HEXD: variants seen among roughly 807,000 people sequenced by gnomAD.
The protein encoded by HEXD is N-acetyl-beta-galactosaminidase.
In HEXD, 47 loss-of-function variants were observed where a neutral mutation model predicts 54.2. That is an observed-to-expected ratio of 0.87 (90% confidence interval 0.69 to 1.11). The LOEUF (loss-of-function observed/expected upper bound fraction) is 1.11, where lower values mean the gene tolerates loss of function less well. Ranked by LOEUF, HEXD falls within the 50% of genes least tolerant of loss-of-function variation. The probability of loss-of-function intolerance (pLI) is 0.00; values close to 1 mark genes in which losing one functional copy is unlikely to be tolerated. For missense variants in HEXD, 576 were observed against 649.2 expected (o/e 0.89, Z 1.23); for synonymous variants, 293 against 287.6 (o/e 1.02, Z -0.19).
intron 2 of HEXD, among the ~76,000 whole-genome samples, chr17:82,423,956 C>G (rs1392957910): frequency 1.3e-5 from 2 of 152,050 alleles, no homozygotes; most frequent in Non-Finnish European, 2.9e-5. Context: ...CTTCAGAGCC[C>G]TGCTCCCCCT....
intron 4 of HEXD, among the ~76,000 whole-genome samples, chr17:82,429,533 C>T (rs564169597): frequency 5.3e-5 from 8 of 152,234 alleles, no homozygotes; most frequent in East Asian, 3.9e-4. Flanking sequence ...CTCTGGGACC[C>T]GGCCTGCGCT....
intron 2 of HEXD, among the ~76,000 whole-genome samples, chr17:82,422,772 T>C (rs1369980691): frequency 6.6e-6 from 1 of 151,914 alleles, no homozygotes; most frequent in Non-Finnish European, 1.5e-5. Context: ...GCATTTTGAC[T>C]TGGGCCAGGC....
At chr17:82,424,573 A>G in intron 3 of HEXD, 70 bp downstream of exon 3, 1 of 1,074,134 alleles carries the variant, frequency 9.3e-7, no homozygotes, top group Non-Finnish European at 1.4e-6. Flanking sequence ...GCAGGGCAGG[A>G]GGAGCAGCAA....
At chr17:82,435,912 C>T (rs1386036920) in intron 6 of HEXD, 40 bp downstream of exon 6, 10 of 1,569,830 alleles carry the variant, frequency 6.4e-6, no homozygotes, top group Non-Finnish European at 8.6e-6. Flanking sequence ...GGCCACTGAA[C>T]TGCCCAAGAC....
rs1328794371 is a variant in HEXD, at chr17:82,433,119, TATATATATA to T, written c.283-538_283-530del. 3.8e-3 allele frequency among the ~76,000 whole-genome samples: 58 copies of T among 15,398 alleles called. 5 individuals are homozygous for T. The highest frequency in any genetic ancestry group is 5.1e-3 in the South Asian group (2 of 392). The allele number at this position is 15,398 out of a possible 152,430, so 10.1% of individuals were successfully genotyped here. A position where few individuals can be genotyped will look rare whatever the true frequency, so the allele number is the denominator to read the frequency against. The stretch of plus-strand genomic sequence containing the variant: ...ATATATATATATATATATATATATA[TATATATATA>T]TTTTTTTTTTTTTTTTATATATATA... On this transcript the variant is annotated intron_variant, in intron 4 of 12. Coordinates refer to ENST00000327949, the MANE Select transcript of HEXD (RefSeq NM_001330542.2).
intron 6 of HEXD, among the ~76,000 whole-genome samples, chr17:82,436,114 C>T (rs1194346078): frequency 6.6e-6 from 1 of 152,258 alleles, no homozygotes; most frequent in Non-Finnish European, 1.5e-5. Context: ...GAGTGTCCAG[C>T]ACTCGCAGCA....
rs915903124 is a variant in HEXD at position 82,434,152 on chromosome 17, T to G, written c.447+330T>G. ...GGCTGGGCTGGCGGAAGCCTGTGGGTGATGGGCAGGTTCACGCCCCAGGAC... is the reference window on the plus strand; with the variant it reads ...GGCTGGGCTGGCGGAAGCCTGTGGGGGATGGGCAGGTTCACGCCCCAGGAC... On this transcript the variant is annotated intron_variant, in intron 5 of 12. Coordinates refer to ENST00000327949, the MANE Select transcript of HEXD (RefSeq NM_001330542.2). The surrounding 1 kb of genome is among the most constrained non-coding windows in gnomAD (Gnocchi z 4.5). Among the ~76,000 whole-genome samples, 4 of 152,100 alleles carry G rather than the reference T, an allele frequency of 2.6e-5. No individual in the cohort carries two copies. Among genetic ancestry groups the G allele is most frequent in the African/African-American group, 9.7e-5 (4 of 41,420 alleles).
rs575814893 is a variant in HEXD at position 82,428,539 on chromosome 17, A to G, written c.195-19A>G. The G allele has an allele frequency of 4.1e-5, 66 of 1,610,022 alleles. No homozygotes were observed. Among genetic ancestry groups the G allele is most frequent in the Non-Finnish European group, 5.2e-5 (61 of 1,176,656 alleles). ...GTGCTGCTCACATGACCCTCTCTCT[A>G]TGAATTTTGTCTCTCCAGCCCCTCT... On this transcript the variant is annotated intron_variant, in intron 3 of 12. Coordinates refer to ENST00000327949, the MANE Select transcript of HEXD (RefSeq NM_001330542.2).
At position 82,442,012 on chromosome 17, in the gene HEXD, C is replaced by A; in HGVS notation, c.1253+123C>A. 7.7e-7 allele frequency: 1 copy of A among 1,296,084 alleles called. No homozygotes were observed. Among genetic ancestry groups the A allele is most frequent in the Non-Finnish European group, 1.1e-6 (1 of 915,170 alleles). The allele number at this position is 1,296,084 out of a possible 1,614,324, so 80.3% of individuals were successfully genotyped here. On this transcript the variant is annotated intron_variant, in intron 12 of 12. Coordinates refer to ENST00000327949, the MANE Select transcript of HEXD (RefSeq NM_001330542.2). The surrounding 1 kb of genome is among the most constrained non-coding windows in gnomAD (Gnocchi z 6.8). ...CCCTAGTTGTAAAAGGCCCTCTGGTCTCAGATGTGCAGCTGTCACCGACTT... is the reference window on the plus strand; with the variant it reads ...CCCTAGTTGTAAAAGGCCCTCTGGTATCAGATGTGCAGCTGTCACCGACTT...
intron 4 of HEXD, among the ~76,000 whole-genome samples, chr17:82,432,137 C>T (rs1323722913): frequency 6.6e-6 from 1 of 152,180 alleles, no homozygotes; most frequent in African/African-American, 2.4e-5. Context: ...GCCCACAGAC[C>T]TCCTCCCCTT....
rs759283228 is a variant in HEXD at position 82,434,465 on chromosome 17, C to T, written c.447+643C>T. On this transcript the variant is annotated intron_variant, in intron 5 of 12. Transcript: ENST00000327949. The surrounding 1 kb of genome is among the most constrained non-coding windows in gnomAD (Gnocchi z 4.5). ...TGGCTCACAGGGAACCCGAGCTGAA[C>T]ATTTTAGCCCCAGAAGTTTCCTTTT... 5.3e-5 allele frequency among the ~76,000 whole-genome samples: 8 copies of T among 152,198 alleles called. No individual in the cohort carries two copies. Among genetic ancestry groups the T allele is most frequent in the Non-Finnish European group, 8.8e-5 (6 of 68,028 alleles).
In HEXD at chr17:82,439,681, C is replaced by A. The variant is rs532574485; in HGVS notation, c.950C>A (p.Ser317Tyr). 3.1e-6 allele frequency: 5 copies of A among 1,598,954 alleles called. No homozygotes were observed. Among genetic ancestry groups the A allele is most frequent in the Non-Finnish European group, 4.2e-6 (5 of 1,178,058 alleles). ...GAGCTGCTGCCCGCAGGAGTCCCGT[C>A]CCTGGCCGCCTGCCTGCAGTTGCTT... Reference protein sequence around the residue: ...LCELLPAGVPSLAACLQLLLR... With the variant: ...LCELLPAGVPYLAACLQLLLR... The change falls in exon 9 of 13, where the codon TCC becomes TAC. Residue 317 changes from serine (S) to tyrosine (Y), a missense_variant. Coordinates refer to ENST00000327949, the MANE Select transcript of HEXD (RefSeq NM_001330542.2).
At chr17:82,425,368 C>T in intron 3 of HEXD, 1 of 178,608 alleles carries the variant, frequency 5.6e-6, no homozygotes, top group South Asian at 9.4e-5. Flanking sequence ...TCAGAGGAGG[C>T]TGGAGAAGGC....
At chr17:82,441,320 G>T in intron 11 of HEXD, 54 bp downstream of exon 11, 2 of 1,493,422 alleles carry the variant, frequency 1.3e-6, no homozygotes, top group Non-Finnish European at 1.8e-6. Context: ...CATGGGGCGG[G>T]TGCAGGTGAG....
chr17:82,435,750 C>T lies in HEXD; in HGVS notation c.509C>T (p.Thr170Met), dbSNP rs749879786. The T allele has an allele frequency of 1.7e-5, 27 of 1,612,898 alleles. No homozygotes were observed. Among genetic ancestry groups the T allele is most frequent in the African/African-American group, 5.3e-5 (4 of 74,932 alleles). Residue 170 changes from threonine to methionine, a missense_variant, in exon 6 of 13, where the codon ACG (threonine) becomes ATG (methionine). Coordinates refer to ENST00000327949, the MANE Select transcript of HEXD (RefSeq NM_001330542.2). The part of the protein sequence containing the change: ...RRWLQQEQNS[T>M]GKLCLSHMRA... Reference sequence around the variant, plus strand: ...TGGCTACAGCAAGAGCAGAACAGCACGGGGAAGTTGTGCCTGTCACACATG... The same window carrying T: ...TGGCTACAGCAAGAGCAGAACAGCATGGGGAAGTTGTGCCTGTCACACATG...
rs1458901972 is a variant in HEXD at position 82,434,042 on chromosome 17, T to A, written c.447+220T>A. On this transcript the variant is annotated intron_variant, in intron 5 of 12. Coordinates refer to ENST00000327949, the MANE Select transcript of HEXD (RefSeq NM_001330542.2). The surrounding 1 kb of genome is among the most constrained non-coding windows in gnomAD (Gnocchi z 4.5). ...CTCGTGTCAGACGCGTCCAACATCTTCTCCGGGTGGATGGGCGGCCTGGCA... is the reference window on the plus strand; with the variant it reads ...CTCGTGTCAGACGCGTCCAACATCTACTCCGGGTGGATGGGCGGCCTGGCA... Among the ~76,000 whole-genome samples the A allele has an allele frequency of 6.6e-6, 1 of 150,780 alleles. No homozygotes were observed. Among genetic ancestry groups the A allele is most frequent in the Non-Finnish European group, 1.5e-5 (1 of 67,676 alleles).
intron 4 of HEXD, among the ~76,000 whole-genome samples, chr17:82,433,145 A>T (rs868745527): frequency 0.043 from 1,471 of 34,462 alleles, 108 homozygotes; most frequent in Non-Finnish European, 0.068. Flanking sequence ...TTTTTTTTTT[A>T]TATATATATT....
intron 6 of HEXD, among the ~76,000 whole-genome samples, chr17:82,436,165 G>T (rs2053756632): frequency 6.6e-6 from 1 of 152,260 alleles, no homozygotes; most frequent in Non-Finnish European, 1.5e-5. Context: ...GGGGGCCGAG[G>T]TTCCCGCTGG....
intron 2 of HEXD, among the ~76,000 whole-genome samples, chr17:82,422,855 G>A (rs188697747): frequency 1.6e-4 from 25 of 152,062 alleles, no homozygotes; most frequent in African/African-American, 5.3e-4. Context: ...TCAGGAGTTC[G>A]AGACCAGCCT....
Sources: allele counts gnomAD v4.1 joint callset (sites outside exome capture counted in the v4.1 genomes callset), GRCh38; gene constraint gnomAD v4.1.1; non-coding constraint Gnocchi (gnomAD v3.1); transcripts MANE v1.5; gene names NCBI Gene and HGNC (gene_info 2026-07-23, HGNC 2026-07-21).